Variants in ADGRB3 observed in about 807,000 individuals in gnomAD.
The protein encoded by ADGRB3 is brain-specific angiogenesis inhibitor 3.
In ADGRB3, 37 loss-of-function variants were observed where a neutral mutation model predicts 193.4. The observed-to-expected ratio is 0.19, with a 90% CI of 0.15 to 0.25. The LOEUF (loss-of-function observed/expected upper bound fraction) is 0.25, where lower values mean the gene tolerates loss of function less well. Among genes scored for constraint, ADGRB3 ranks in the 10% least tolerant of loss-of-function variants. The probability of loss-of-function intolerance (pLI) is 1.00; values close to 1 mark genes in which losing one functional copy is unlikely to be tolerated. For synonymous variants in ADGRB3, 690 were observed against 644.2 expected, an observed-to-expected ratio of 1.07 and a Z score of -1.08; for missense variants, 1,637 against 1,852.9, an observed-to-expected ratio of 0.88 and a Z score of 2.14.
At chr6:69,172,034 T>C (rs1173019670) in intron 17 of ADGRB3, among the ~76,000 whole-genome samples, 1 of 152,196 alleles carries the variant, frequency 6.6e-6, no homozygotes, top group Non-Finnish European at 1.5e-5. Context: ...ATAGCAGCTT[T>C]CTTGACCATG....
chr6:69,163,295 T>C (rs1247962939), intron 17 of ADGRB3, among the ~76,000 whole-genome samples: 10 of 152,058 alleles, frequency 6.6e-5, no homozygotes, highest in Admixed American at 2.0e-4. Flanking sequence ...CCAATGGAAA[T>C]GTTAGTTCAG....
chr6:69,200,184 T>C (rs540082628), intron 17 of ADGRB3, among the ~76,000 whole-genome samples: 10 of 151,948 alleles, frequency 6.6e-5, no homozygotes, highest in African/African-American at 2.4e-4. Context: ...TTTCAAGATG[T>C]TGTTTTCTAA....
intron 3 of ADGRB3, among the ~76,000 whole-genome samples, chr6:68,885,020 A>AAATG: frequency 6.6e-6 from 1 of 152,170 alleles, no homozygotes. Flanking sequence ...ATCATAAAAT[A>AAATG]TTTAAATAAC....
chr6:68,935,390 A>G (rs1462231076), intron 4 of ADGRB3, among the ~76,000 whole-genome samples: 1 of 152,200 alleles, frequency 6.6e-6, no homozygotes, highest in East Asian at 1.9e-4. Flanking sequence ...CTAACTCTCT[A>G]GAAAACGATG....
intron 29 of ADGRB3, among the ~76,000 whole-genome samples, chr6:69,367,078 AT>A (rs1376412933): frequency 1.3e-5 from 2 of 152,156 alleles, no homozygotes. Flanking sequence ...AGTGTCATTT[AT>A]TGTAAGAAAT....
At chr6:68,731,058 G>A (rs1368966697) in intron 3 of ADGRB3, among the ~76,000 whole-genome samples, 1 of 151,592 alleles carries the variant, frequency 6.6e-6, no homozygotes, top group Non-Finnish European at 1.5e-5. Flanking sequence ...CAAGTCTAAT[G>A]TGTTTGAGTA....
At chr6:68,854,083 C>T (rs1000687533) in intron 3 of ADGRB3, among the ~76,000 whole-genome samples, 1 of 152,146 alleles carries the variant, frequency 6.6e-6, no homozygotes, top group African/African-American at 2.4e-5. Context: ...GACACAGTCT[C>T]AGGATTTTGT....
At chr6:69,056,674 T>C (rs1034615233) in intron 15 of ADGRB3, among the ~76,000 whole-genome samples, 2 of 152,194 alleles carry the variant, frequency 1.3e-5, no homozygotes, top group Non-Finnish European at 2.9e-5. Flanking sequence ...TATCCAGTTT[T>C]TCCAACACTG....
chr6:69,168,701 A>G (rs62406807), intron 17 of ADGRB3, among the ~76,000 whole-genome samples: 21,523 of 152,028 alleles, frequency 0.14, 1,569 homozygotes, highest in Middle Eastern at 0.16. Flanking sequence ...GCAAACTAAA[A>G]TTTCAATTTT....
intron 20 of ADGRB3, among the ~76,000 whole-genome samples, chr6:69,253,800 A>T (rs1233679261): frequency 6.6e-6 from 1 of 152,116 alleles, no homozygotes; most frequent in Non-Finnish European, 1.5e-5. Context: ...ATCAAACAGG[A>T]TGCAATTATA....
At chr6:69,327,281 G>A (rs148620261) in intron 21 of ADGRB3, among the ~76,000 whole-genome samples, 1 of 152,158 alleles carries the variant, frequency 6.6e-6, no homozygotes, top group Non-Finnish European at 1.5e-5. Context: ...ATTGGAGCAG[G>A]TATGTAGGTA....
chr6:69,016,670 A>G (rs1288256376), intron 12 of ADGRB3, among the ~76,000 whole-genome samples: 1 of 151,932 alleles, frequency 6.6e-6, no homozygotes, highest in African/African-American at 2.4e-5. Flanking sequence ...ATCTTTTTGT[A>G]TATTTACCTC....
chr6:69,184,644 T>C (rs1156696465), intron 17 of ADGRB3, among the ~76,000 whole-genome samples: 1 of 152,102 alleles, frequency 6.6e-6, no homozygotes, highest in African/African-American at 2.4e-5. Context: ...TTTAGAGATA[T>C]TTTATTTTAT....
intron 3 of ADGRB3, among the ~76,000 whole-genome samples, chr6:68,746,285 C>A (rs1336149259): frequency 6.6e-6 from 1 of 151,780 alleles, no homozygotes; most frequent in Non-Finnish European, 1.5e-5. Context: ...AGGTGAGAAG[C>A]TTTTCTTATG....
intron 26 of ADGRB3, among the ~76,000 whole-genome samples, chr6:69,347,719 A>G (rs1439329097): frequency 3.9e-5 from 6 of 152,160 alleles, no homozygotes; most frequent in African/African-American, 7.2e-5. Flanking sequence ...CAGGAGGTCA[A>G]GACTGCAGTG....
At chr6:68,992,598 G>A (rs550637219) in intron 10 of ADGRB3, among the ~76,000 whole-genome samples, 52 of 152,142 alleles carry the variant, frequency 3.4e-4, no homozygotes, top group African/African-American at 1.3e-3. Context: ...GAAAGAATAG[G>A]GAGAAGTACC....
At chr6:68,783,955 T>G (rs1002183503) in intron 3 of ADGRB3, among the ~76,000 whole-genome samples, 3 of 152,014 alleles carry the variant, frequency 2.0e-5, no homozygotes, top group African/African-American at 7.2e-5. Context: ...ATTCTTTAAC[T>G]TCTCAGTTAC....
At chr6:69,036,657 A>G (rs990508106) in intron 13 of ADGRB3, among the ~76,000 whole-genome samples, 2 of 152,166 alleles carry the variant, frequency 1.3e-5, no homozygotes, top group African/African-American at 4.8e-5. Flanking sequence ...GACCAAGCTA[A>G]GGAAAAAATA....
At chr6:69,031,027 C>CTT (rs1405698835) in intron 13 of ADGRB3, among the ~76,000 whole-genome samples, 1,611 of 37,314 alleles carry the variant, frequency 0.043, 357 homozygotes, top group African/African-American at 0.07. Context: ...TTTTTTTTTC[C>CTT]TCTTCTCTTC....
Sources: gnomAD v4.1 joint callset for allele counts (sites outside exome capture counted in the v4.1 genomes callset) on GRCh38, gnomAD v4.1.1 for gene constraint, MANE v1.5 for transcripts, NCBI Gene and HGNC (gene_info 2026-07-23, HGNC 2026-07-21) for gene names.